The following TMEM267 variants were observed in gnomAD, a reference collection of about 807,000 sequenced individuals.
The protein encoded by TMEM267 is transmembrane protein C5orf28.
In TMEM267, 20 loss-of-function variants were observed where a neutral mutation model predicts 19.3. The ratio of observed to expected loss-of-function variants is 1.04; its 90% CI spans 0.73 to 1.51. TMEM267 has a LOEUF of 1.51. Ranked by LOEUF, TMEM267 falls within the 40% of genes most tolerant of loss-of-function variation. TMEM267 has a pLI of 0.00. For synonymous variants in TMEM267, 88 were observed against 90.3 expected (o/e 0.97, Z 0.15); for missense variants, 242 against 261.9 (o/e 0.92, Z 0.52).
In TMEM267 at chr5:43,444,258, T is replaced by G. The variant is rs780858515; in HGVS notation, c.*1964A>C. ...GTTATGACAACCCAAAAAATGCCTA[T>G]GTAGCATTCTTATTTATTTATTTTA... On this transcript the variant is annotated 3_prime_UTR_variant, in exon 3 of 3. Coordinates refer to ENST00000397080, the MANE Select transcript of TMEM267 (RefSeq NM_022483.5). The G allele has an allele frequency of 6.6e-6, 1 of 152,150 alleles. No homozygotes were observed. Among genetic ancestry groups the G allele is most frequent in the Non-Finnish European group, 1.5e-5 (1 of 68,016 alleles). The allele number at this position is 152,150 out of a possible 1,614,324, so 9.4% of individuals were successfully genotyped here.
upstream of TMEM267, chr5:43,484,111 T>G (rs1233293952): frequency 1.3e-5 from 2 of 152,246 alleles, no homozygotes; most frequent in Non-Finnish European, 2.9e-5. Context: ...TAGTTTAGTT[T>G]TGTCAAACCT....
chr5:43,467,285 C>T (rs1333460939), intron 1 of TMEM267, among the ~76,000 whole-genome samples: 1 of 151,646 alleles, frequency 6.6e-6, no homozygotes, highest in African/African-American at 2.4e-5. Flanking sequence ...AATCAAAAGC[C>T]ATAGACTGGC....
chr5:43,470,100 G>A (rs1743973818), intron 1 of TMEM267, among the ~76,000 whole-genome samples: 1 of 152,138 alleles, frequency 6.6e-6, no homozygotes, highest in South Asian at 2.1e-4. Flanking sequence ...TCTTCCCTTT[G>A]AGTTGTCCCG....
At position 43,453,933 on chromosome 5, in the gene TMEM267, G is replaced by C; in HGVS notation, c.37C>G (p.Gln13Glu). ...SETEKTHALL[Q>E]TCSTESLISS... Reference sequence around the variant, plus strand: ...ATAAGAGATTCAGTGCTACAAGTCTGCAGTAAAGCATGGGTCTTTTCAGTC... The same window carrying C: ...ATAAGAGATTCAGTGCTACAAGTCTCCAGTAAAGCATGGGTCTTTTCAGTC... The change falls in exon 2 of 3, where the codon CAG becomes GAG. Residue 13 changes from glutamine (Q) to glutamate (E), a missense_variant. Physicochemically the swap from Gln to Glu is conservative, Grantham distance 29 (BLOSUM62 2). Transcript: ENST00000397080. 1 of 1,613,998 alleles carries C rather than the reference G, an allele frequency of 6.2e-7. No homozygotes were observed. Among genetic ancestry groups the C allele is most frequent in the Non-Finnish European group, 8.5e-7 (1 of 1,179,954 alleles).
intron 2 of TMEM267, among the ~76,000 whole-genome samples, chr5:43,449,519 A>C (rs1742454621): frequency 6.6e-6 from 1 of 152,210 alleles, no homozygotes; most frequent in South Asian, 2.1e-4. Context: ...GAAAAAACTG[A>C]CTCAATGATA....
chr5:43,449,372 C>T (rs1002810967), intron 2 of TMEM267, among the ~76,000 whole-genome samples: 2 of 152,004 alleles, frequency 1.3e-5, no homozygotes, highest in African/African-American at 4.8e-5. Context: ...AAATAGAATA[C>T]AGGCAAAAAG....
intron 2 of TMEM267, among the ~76,000 whole-genome samples, chr5:43,452,008 G>A (rs7732140): frequency 0.49 from 72,068 of 147,836 alleles, 18,337 homozygotes; most frequent in Middle Eastern, 0.62. Flanking sequence ...AGCCCAAGAG[G>A]TTGATGCTGC....
rs1742777480 is a variant in TMEM267, at chr5:43,453,959, T to C, written c.11A>G (p.Glu4Gly). 1 of 1,613,008 alleles carries C rather than the reference T, an allele frequency of 6.2e-7. No individual in the cohort carries two copies. Among genetic ancestry groups the C allele is most frequent in the East Asian group, 2.2e-5 (1 of 44,878 alleles). Residue 4 changes from glutamate to glycine, a missense_variant, in exon 2 of 3, where the codon GAG (glutamate) becomes GGG (glycine). By Grantham distance (98) the Glu-to-Gly change is moderately conservative. Transcript: ENST00000397080. MAS[E>G]TEKTHALLQT... is the part of the protein sequence containing the mutation. ...CAGTAAAGCATGGGTCTTTTCAGTC[T>C]CGGATGCCATGACAAACAATATGTT...
intron 1 of TMEM267, among the ~76,000 whole-genome samples, chr5:43,478,670 C>G (rs1744577506): frequency 6.6e-6 from 1 of 152,022 alleles, no homozygotes; most frequent in Non-Finnish European, 1.5e-5. Context: ...ATTAAGGGCT[C>G]TTAAAATTAA....
rs370780450 is a variant in TMEM267 at position 43,468,936 on chromosome 5, A to T, written c.-75+14886T>A. Among the ~76,000 whole-genome samples the T allele has an allele frequency of 4.8e-4, 73 of 152,340 alleles. No individual in the cohort carries two copies. The East Asian group carries it at 7.1e-3, about 15-fold the overall frequency. On this transcript the variant is annotated intron_variant, in intron 1 of 2. Coordinates refer to ENST00000397080, the MANE Select transcript of TMEM267 (RefSeq NM_022483.5). ...CAAGAGGAATTTTGGAAACTATACAAATACATGGAAATAAAACAATATTCT... is the reference window on the plus strand; with the variant it reads ...CAAGAGGAATTTTGGAAACTATACATATACATGGAAATAAAACAATATTCT...
At chr5:43,469,518 C>G (rs1743938079) in intron 1 of TMEM267, among the ~76,000 whole-genome samples, 1 of 152,136 alleles carries the variant, frequency 6.6e-6, no homozygotes, top group South Asian at 2.1e-4. Flanking sequence ...ACCATATGAT[C>G]ATTTCAATTG....
chr5:43,465,597 C>A (rs969808518), intron 1 of TMEM267, among the ~76,000 whole-genome samples: 4 of 152,272 alleles, frequency 2.6e-5, no homozygotes, highest in Non-Finnish European at 5.9e-5. Context: ...GAACATGTGG[C>A]ACATATACAC....
In TMEM267 at chr5:43,446,287, C is replaced by A. The variant is rs747729445; in HGVS notation, c.583G>T (p.Val195Phe). ...TGTCTGGTTCCTGTTAAATACATAA[C>A]GAATGAACAGATGTGAGGTAAAGAT... Reference protein sequence around the residue: ...TSSLPHICSFVMYLTGTRQMM... With the variant: ...TSSLPHICSFFMYLTGTRQMM... Residue 195 changes from valine (V) to phenylalanine (F), a missense_variant, in exon 3 of 3, where the codon GTT becomes TTT. Coordinates refer to ENST00000397080, the MANE Select transcript of TMEM267 (RefSeq NM_022483.5). The A allele has an allele frequency of 6.2e-6, 10 of 1,613,626 alleles. No individual in the cohort carries two copies. The highest frequency in any genetic ancestry group is 8.5e-6 in the Non-Finnish European group (10 of 1,179,644).
At chr5:43,456,851 G>A (rs983775058) in intron 1 of TMEM267, among the ~76,000 whole-genome samples, 5 of 152,224 alleles carry the variant, frequency 3.3e-5, no homozygotes, top group African/African-American at 1.2e-4. Context: ...TTCTCAGAAA[G>A]TTAAACGTAC....
At chr5:43,457,776 T>A (rs578021830) in intron 1 of TMEM267, among the ~76,000 whole-genome samples, 1 of 152,234 alleles carries the variant, frequency 6.6e-6, no homozygotes, top group East Asian at 1.9e-4. Context: ...CAATTTATTT[T>A]AAAAAATTAA....
At chr5:43,449,230 C>T (rs1561183727) in intron 2 of TMEM267, among the ~76,000 whole-genome samples, 2 of 151,976 alleles carry the variant, frequency 1.3e-5, no homozygotes, top group African/African-American at 4.8e-5. Context: ...TGAGATCACA[C>T]CACTGCACCC....
intron 1 of TMEM267, chr5:43,479,896 T>A (rs756224199): frequency 2.2e-6 from 1 of 444,466 alleles, no homozygotes; most frequent in South Asian, 1.6e-5. Flanking sequence ...ATACCTCCAT[T>A]ACAAAGTCAT....
At chr5:43,479,988 C>A in intron 1 of TMEM267, 1 of 371,766 alleles carries the variant, frequency 2.7e-6, no homozygotes, top group Non-Finnish European at 5.2e-6. Context: ...CATTCAACAC[C>A]TGAATGGATA....
intron 2 of TMEM267, among the ~76,000 whole-genome samples, chr5:43,448,606 G>T (rs548260482): frequency 6.6e-6 from 1 of 151,926 alleles, no homozygotes; most frequent in African/African-American, 2.4e-5. Flanking sequence ...AAGAAACCCC[G>T]TTTCTACTAA....
Sources: allele counts gnomAD v4.1 joint callset (sites outside exome capture counted in the v4.1 genomes callset), GRCh38; gene constraint gnomAD v4.1.1; transcripts MANE v1.5; gene names NCBI Gene and HGNC (gene_info 2026-07-23, HGNC 2026-07-21).